DIABLO: variants seen among roughly 807,000 people sequenced by gnomAD.
The protein encoded by DIABLO is diablo homolog, mitochondrial.
DIABLO carries 32 observed loss-of-function variants against 31.7 expected under a neutral mutation model. The ratio of observed to expected loss-of-function variants is 1.01; its 90% CI spans 0.76 to 1.35. The LOEUF (loss-of-function observed/expected upper bound fraction) is 1.35, where lower values mean the gene tolerates loss of function less well. Among genes scored for constraint, DIABLO ranks in the 40% most tolerant of loss-of-function variants. The pLI, the probability that DIABLO is intolerant of heterozygous loss-of-function variation, is 0.00. For synonymous variants in DIABLO, 132 were observed against 103.2 expected (o/e 1.28, Z -1.69); for missense variants, 316 against 286.4 (o/e 1.10, Z -0.75).
intron 5 of DIABLO, among the ~76,000 whole-genome samples, chr12:122,210,434 G>A (rs527828172): frequency 1.5e-4 from 22 of 145,194 alleles, no homozygotes; most frequent in Middle Eastern, 3.6e-3. Flanking sequence ...GTGCAGTGGC[G>A]CGATCTCGGC....
At chr12:122,226,522 C>T (rs1426198424), upstream of DIABLO, 2 of 699,002 alleles carry the variant, frequency 2.9e-6, no homozygotes, top group African/African-American at 1.8e-5. Flanking sequence ...GCGAGCAGCT[C>T]CCGCAGCAGC....
upstream of DIABLO, chr12:122,226,169 C>T (rs865958078): frequency 8.5e-6 from 10 of 1,183,350 alleles, no homozygotes; most frequent in African/African-American, 9.1e-5. Context: ...GGAAAGGGGG[C>T]GAGGCTTAGG....
chr12:122,223,464 CTTCT>C (rs1199982791), intron 2 of DIABLO, among the ~76,000 whole-genome samples: 1 of 151,696 alleles, frequency 6.6e-6, no homozygotes, highest in African/African-American at 2.4e-5. Flanking sequence ...TCTTCTGCGG[CTTCT>C]TTTTCAGAAA....
chr12:122,227,179 C>T (rs979292000), upstream of DIABLO, among the ~76,000 whole-genome samples: 1 of 152,206 alleles, frequency 6.6e-6, no homozygotes, highest in African/African-American at 2.4e-5. Flanking sequence ...CCCCCGCCAC[C>T]GTGCTCTGTG....
rs1399707737 is a variant in DIABLO at position 122,208,551 on chromosome 12, T to C, written c.550A>G (p.Arg184Gly). 1.9e-6 allele frequency: 3 copies of C among 1,613,624 alleles called. No homozygotes were observed. Among genetic ancestry groups the C allele is most frequent in the Non-Finnish European group, 2.5e-6 (3 of 1,180,046 alleles). Residue 184 changes from arginine (R) to glycine (G), a missense_variant, in exon 6 of 6, where the codon AGG becomes GGG. Transcript: ENST00000464942. ...AGTTTCACCAGCTGAATGTGATTCC[T>C]GGCGGTTATAGAGGCCTGATCTGCG... ...TGADQASITA[R>G]NHIQLVKLQV...
At position 122,207,678 on chromosome 12, in the gene DIABLO, A is replaced by G. The variant is rs569965430; in HGVS notation, c.*703T>C. On this transcript the variant is annotated 3_prime_UTR_variant, in exon 6 of 6. Transcript: ENST00000464942. ...GAGGCTGCATAGGACCCCAGGAGAG[A>G]CGCATTTTCTCTTTCAGATGCAAAC... The G allele has an allele frequency of 2.4e-5, 15 of 621,336 alleles. No homozygotes were observed. Among genetic ancestry groups the G allele is most frequent in the South Asian group, 2.0e-4 (13 of 65,858 alleles). The allele number at this position is 621,336 out of a possible 1,614,324, so 38.5% of individuals were successfully genotyped here. A position where few individuals can be genotyped will look rare whatever the true frequency, so the allele number is the denominator to read the frequency against.
chr12:122,211,752 C>T (rs541713104), intron 5 of DIABLO, among the ~76,000 whole-genome samples: 12 of 152,192 alleles, frequency 7.9e-5, no homozygotes, highest in South Asian at 4.1e-4. Flanking sequence ...GACCTGCAAG[C>T]GTGCTCAGAA....
intron 5 of DIABLO, among the ~76,000 whole-genome samples, chr12:122,215,798 A>G (rs1249398572): frequency 1.4e-5 from 2 of 146,676 alleles, no homozygotes; most frequent in East Asian, 4.2e-4. Flanking sequence ...GCACTTTGGG[A>G]GGCCAAGGTG....
chr12:122,209,578 T>C (rs932307440), intron 5 of DIABLO: 65 of 558,716 alleles, frequency 1.2e-4, no homozygotes, highest in African/African-American at 8.3e-4. Flanking sequence ...AGCAGGAGAA[T>C]TGCTTGAACC....
intron 3 of DIABLO, chr12:122,217,741 G>A: frequency 6.3e-6 from 1 of 159,442 alleles, no homozygotes; most frequent in Non-Finnish European, 1.4e-5. Flanking sequence ...GGTTGGTCTT[G>A]AACTCCTGGC....
intron 5 of DIABLO, among the ~76,000 whole-genome samples, chr12:122,214,285 ATCC>A (rs1042437626): frequency 2.6e-5 from 4 of 152,000 alleles, no homozygotes; most frequent in African/African-American, 7.3e-5. Context: ...GGCTCAAGTG[ATCC>A]TCCTATCTTA....
intron 2 of DIABLO, among the ~76,000 whole-genome samples, chr12:122,219,865 CAA>C (rs759696825): frequency 1.7e-4 from 21 of 120,416 alleles, no homozygotes; most frequent in Admixed American, 5.0e-4. Flanking sequence ...ACTCTTTCGC[CAA>C]AAAAAAAAAA....
chr12:122,217,583 T>C (rs1458494366), intron 3 of DIABLO: 2 of 155,140 alleles, frequency 1.3e-5, no homozygotes, highest in Non-Finnish European at 2.9e-5. Context: ...GGCATGTTCA[T>C]AGCTCACTGT....
rs546362213 is a variant in DIABLO, at chr12:122,207,771, GTGTTAAGTCCTGTTGA to G, written c.*594_*609del. The G allele has an allele frequency of 6.9e-4, 327 of 474,732 alleles. No individual in the cohort carries two copies. Among genetic ancestry groups the G allele is most frequent in the Non-Finnish European group, 1.0e-3 (246 of 241,038 alleles). 29.4% of individuals were successfully genotyped at this position (474,732 alleles called of 1,614,324 possible). A position where few individuals can be genotyped will look rare whatever the true frequency, so the allele number is the denominator to read the frequency against. On this transcript the variant is annotated 3_prime_UTR_variant, in exon 6 of 6. Coordinates refer to ENST00000464942, the MANE Select transcript of DIABLO (RefSeq NM_001371333.1). ...AAAGAAAGGAAGGAACAAGAGGCCT[GTGTTAAGTCCTGTTGA>G]TGTTAAGTCCTGTTGAGAGCACCAG...
intron 2 of DIABLO, among the ~76,000 whole-genome samples, chr12:122,223,782 G>T (rs1000644514): frequency 2.6e-5 from 4 of 152,066 alleles, no homozygotes; most frequent in Admixed American, 1.3e-4. Flanking sequence ...TCCCAGAATT[G>T]CCTATTCACT....
chr12:122,216,865 A>G lies in DIABLO; in HGVS notation c.320T>C (p.Val107Ala), dbSNP rs1409193763. ...IEAITEYTKA[V>A]YTLTSLYRQY... is the part of the protein sequence containing the mutation. The stretch of plus-strand genomic sequence containing the variant: ...TCGGTAAAGAGAAGTTAAGGTATAA[A>G]CAGCCTACAAATAGAGAATGAACAA... Residue 107 changes from valine to alanine, a missense_variant, in exon 4 of 6, where the codon GTT becomes GCT. Val to Ala is a moderately conservative substitution (Grantham distance 64). Coordinates refer to ENST00000464942, the MANE Select transcript of DIABLO (RefSeq NM_001371333.1). 3.7e-6 allele frequency: 6 copies of G among 1,611,670 alleles called. No individual in the cohort carries two copies. The highest frequency in any genetic ancestry group is 5.1e-6 in the Non-Finnish European group (6 of 1,178,020).
At chr12:122,212,046 G>A (rs778547891) in intron 5 of DIABLO, among the ~76,000 whole-genome samples, 19 of 149,364 alleles carry the variant, frequency 1.3e-4, no homozygotes, top group Non-Finnish European at 2.8e-4. Flanking sequence ...ATGTTGGCCA[G>A]GCTGGTCTCG....
At chr12:122,225,873 T>A in intron 1 of DIABLO, 92 bp downstream of exon 1, 3 of 1,541,634 alleles carry the variant, frequency 1.9e-6, no homozygotes, top group Non-Finnish European at 2.6e-6. Flanking sequence ...GATGAGCGCG[T>A]AAGGAAGGCG....
In DIABLO at chr12:122,208,389, C is replaced by CA. The variant is rs1953984096; in HGVS notation, c.711dup (p.Glu238Ter). 1 of 1,612,236 alleles carries CA rather than the reference C, an allele frequency of 6.2e-7. No homozygotes were observed. The highest frequency in any genetic ancestry group is 1.3e-5 in the African/African-American group (1 of 74,892). On this transcript the variant is annotated frameshift_variant, in exon 6 of 6. Coordinates refer to ENST00000464942, the MANE Select transcript of DIABLO (RefSeq NM_001371333.1). LOFTEE classifies it high-confidence loss of function. ...GCAGTGTGCTCAGGCCCTCAATCCT[C>CA]ACGCAGGTAGGCCTCCTGCTCCGAC...
Sources: allele counts gnomAD v4.1 joint callset (sites outside exome capture counted in the v4.1 genomes callset), GRCh38; gene constraint gnomAD v4.1.1; transcripts MANE v1.5; gene names NCBI Gene and HGNC (gene_info 2026-07-23, HGNC 2026-07-21).